The following RBL2 variants were observed in gnomAD, a reference collection of about 807,000 sequenced individuals.
The protein encoded by RBL2 is retinoblastoma-like protein 2.
A neutral mutation model predicts 126.0 loss-of-function variants in RBL2; 56 were observed. That is an observed-to-expected ratio of 0.44 (90% CI 0.36 to 0.56). RBL2 has a LOEUF of 0.56. RBL2 is among the 20% of genes least tolerant of loss of function. RBL2 has a pLI of 0.00. For missense variants in RBL2, 1,229 were observed against 1,398.2 expected, an observed-to-expected ratio of 0.88 and a Z score of 1.93; for synonymous variants, 454 against 478.5, an observed-to-expected ratio of 0.95 and a Z score of 0.67.
At chr16:53,463,598 C>T (rs1171783082) in intron 11 of RBL2, among the ~76,000 whole-genome samples, 3 of 89,928 alleles carry the variant, frequency 3.3e-5, no homozygotes, top group African/African-American at 1.4e-4. Context: ...GCCAGAGTTT[C>T]GCTCTTGTTG....
chr16:53,442,341 A>G (rs1192217141), intron 2 of RBL2, among the ~76,000 whole-genome samples: 1 of 152,178 alleles, frequency 6.6e-6, no homozygotes, highest in Non-Finnish European at 1.5e-5. Flanking sequence ...TATTTAATAT[A>G]TTAACATTTA....
At position 53,434,692 on chromosome 16, in the gene RBL2, C is replaced by T. The variant is rs1267611568; in HGVS notation, c.136C>T (p.Gln46Ter). Residue 46 changes from glutamine (Q) to a stop codon, truncating the protein, a stop_gained, in exon 1 of 22, where the codon CAG becomes TAG. Coordinates refer to ENST00000262133, the MANE Select transcript of RBL2 (RefSeq NM_005611.4). LOFTEE classifies it high-confidence loss of function. ...PPAESPTPQI[Q>*]QRFDELCSRL... ...TGCCGAGTCGCCCACCCCTCAGATC[C>T]AGCAGCGGTTCGACGAGCTGTGCAG... is the stretch of plus-strand genomic sequence containing the variant. 6.4e-7 allele frequency: 1 copy of T among 1,573,444 alleles called. No individual in the cohort carries two copies.
chr16:53,434,905 C>T (rs888186172), intron 1 of RBL2, 109 bp downstream of exon 1: 104 of 1,377,188 alleles, frequency 7.6e-5, no homozygotes, highest in Non-Finnish European at 8.7e-5. Context: ...GGGCTCCCAG[C>T]CCCGAGAGGG....
Position 53,434,480 on chromosome 16 carries a change from G to A in RBL2, c.-77G>A. On this transcript the variant is annotated 5_prime_UTR_variant, in exon 1 of 22. Transcript: ENST00000262133. ...CAGGCGCGGTGCGGGCGGCGGACGG[G>A]CGGGCGCTTCGCCGTTTGAATGGCT... 3.1e-6 allele frequency: 4 copies of A among 1,300,290 alleles called. No homozygotes were observed. The highest frequency in any genetic ancestry group is 3.9e-6 in the Non-Finnish European group (4 of 1,021,028). 80.5% of individuals were successfully genotyped at this position (1,300,290 alleles called of 1,614,324 possible).
intron 8 of RBL2, among the ~76,000 whole-genome samples, chr16:53,455,354 G>A (rs368890210): frequency 6.6e-6 from 1 of 152,178 alleles, no homozygotes; most frequent in East Asian, 1.9e-4. Context: ...CAAACTTCTG[G>A]CAAGTGCCAC....
intron 21 of RBL2, chr16:53,488,166 C>G (rs994618869): frequency 2.0e-5 from 3 of 152,346 alleles, no homozygotes; most frequent in Admixed American, 1.3e-4. Flanking sequence ...CGTCCTTCAG[C>G]TGGTGAATGC....
chr16:53,491,270 A>G lies in RBL2; in HGVS notation c.*970A>G, dbSNP rs1961434264. On this transcript the variant is annotated 3_prime_UTR_variant, in exon 22 of 22. Coordinates refer to ENST00000262133, the MANE Select transcript of RBL2 (RefSeq NM_005611.4). ...AATGTCTATTAAGGTGATATATTTA[A>G]AAATATTTTTGGGTGTTCCTGGCAG... is the stretch of plus-strand genomic sequence containing the variant. The G allele has an allele frequency of 6.6e-6, 1 of 152,172 alleles. No homozygotes were observed. Among genetic ancestry groups the G allele is most frequent in the South Asian group, 2.1e-4 (1 of 4,832 alleles). The allele number at this position is 152,172 out of a possible 1,614,324, so 9.4% of individuals were successfully genotyped here.
At chr16:53,480,907 C>G in intron 20 of RBL2, 138 bp downstream of exon 20, 3 of 818,070 alleles carry the variant, frequency 3.7e-6, no homozygotes, top group South Asian at 3.5e-5. Context: ...ACCTGTAATC[C>G]CAGCACTTTG....
chr16:53,465,641 CAATATCT>C, intron 13 of RBL2, 39 bp downstream of exon 13: 1 of 1,434,888 alleles, frequency 7.0e-7, no homozygotes, highest in Non-Finnish European at 9.3e-7. Flanking sequence ...AAAAATACAT[CAATATCT>C]AATCTATTAA....
At chr16:53,444,284 G>T (rs542408669) in intron 3 of RBL2, among the ~76,000 whole-genome samples, 2 of 151,714 alleles carry the variant, frequency 1.3e-5, no homozygotes, top group South Asian at 4.2e-4. Flanking sequence ...AGGTATTCTG[G>T]CTGAGTGCCT....
chr16:53,467,357 A>G (rs1555568089), intron 14 of RBL2, among the ~76,000 whole-genome samples, 188 bp downstream of exon 14: 1 of 152,222 alleles, frequency 6.6e-6, no homozygotes, highest in Non-Finnish European at 1.5e-5. Context: ...ATGATATAAC[A>G]GGTATCTTTT....
intron 5 of RBL2, among the ~76,000 whole-genome samples, chr16:53,452,820 C>T (rs140043856): frequency 0.038 from 5,777 of 152,072 alleles, 158 homozygotes; most frequent in Non-Finnish European, 0.054. Context: ...ACATACACCA[C>T]CACACCCAGC....
intron 4 of RBL2, among the ~76,000 whole-genome samples, chr16:53,447,344 C>A (rs1211910144): frequency 6.6e-6 from 1 of 152,076 alleles, no homozygotes; most frequent in Non-Finnish European, 1.5e-5. Context: ...TTGTATACAA[C>A]ATCTTTTCTA....
chr16:53,457,896 A>G (rs1332168030), intron 8 of RBL2, among the ~76,000 whole-genome samples: 3 of 152,152 alleles, frequency 2.0e-5, no homozygotes, highest in Admixed American at 1.3e-4. Context: ...ATGTGGTTAT[A>G]TGCTGCTGGC....
At chr16:53,484,521 A>G (rs1002140363) in intron 21 of RBL2, among the ~76,000 whole-genome samples, 2 of 152,240 alleles carry the variant, frequency 1.3e-5, no homozygotes, top group African/African-American at 4.8e-5. Context: ...AGGATGAAGT[A>G]CTGATACATG....
chr16:53,442,179 G>T (rs2058023136), intron 2 of RBL2, among the ~76,000 whole-genome samples: 5 of 152,018 alleles, frequency 3.3e-5, no homozygotes. Context: ...GGAGGAGGTG[G>T]CTCACACCTG....
intron 5 of RBL2, among the ~76,000 whole-genome samples, chr16:53,452,196 T>C (rs1284622984): frequency 6.6e-6 from 1 of 152,222 alleles, no homozygotes; most frequent in Admixed American, 6.5e-5. Flanking sequence ...GTTGAAAGAA[T>C]CTTACTTCAA....
At chr16:53,457,258 C>CCTTTTTTTTTTTTTTTTGTTTTTTTTTT (rs1555566426) in intron 8 of RBL2, among the ~76,000 whole-genome samples, 1 of 89,954 alleles carries the variant, frequency 1.1e-5, no homozygotes, top group Non-Finnish European at 2.0e-5. Context: ...GTACAGATAG[C>CCTTTTTTTTTTTTTTTTGTTTTTTTTTT]TTTTTTTTTT....
chr16:53,434,979 C>T (rs1443243653), intron 1 of RBL2, among the ~76,000 whole-genome samples, 183 bp downstream of exon 1: 6 of 152,132 alleles, frequency 3.9e-5, no homozygotes, highest in Non-Finnish European at 7.4e-5. Context: ...CCGCTCTCGC[C>T]GCGCTTTCCT....
Sources: allele counts gnomAD v4.1 joint callset (sites outside exome capture counted in the v4.1 genomes callset), GRCh38; gene constraint gnomAD v4.1.1; transcripts MANE v1.5; gene names NCBI Gene and HGNC (gene_info 2026-07-23, HGNC 2026-07-21).